Variants in ADGRG2 observed in about 807,000 individuals in gnomAD.
The protein encoded by ADGRG2 is G protein-coupled receptor 64.
A neutral mutation model predicts 74.1 loss-of-function variants in ADGRG2; 26 were observed. The ratio of observed to expected loss-of-function variants is 0.35; its 90% CI spans 0.26 to 0.49. The LOEUF (loss-of-function observed/expected upper bound fraction) is 0.49. Ranked by LOEUF, ADGRG2 falls within the 20% of genes least tolerant of loss-of-function variation. The pLI is 0.99. For synonymous variants in ADGRG2, 296 were observed against 295.2 expected (o/e 1.00, Z -0.03); for missense variants, 619 against 763.1 (o/e 0.81, Z 2.22).
chrX:19,005,231 G>A (rs1225564799), intron 22 of ADGRG2, among the ~76,000 whole-genome samples: 1 of 112,385 alleles, frequency 8.9e-6, no homozygotes, highest in Non-Finnish European at 1.9e-5. Flanking sequence ...TTAGTTCTAT[G>A]ACTGTGGGCA....
At chrX:19,056,324 T>C (rs1245259749) in intron 3 of ADGRG2, among the ~76,000 whole-genome samples, 1 of 112,053 alleles carries the variant, frequency 8.9e-6, no homozygotes, top group African/African-American at 3.2e-5. Flanking sequence ...TTGTTCTTTG[T>C]CATGATATTG....
intron 2 of ADGRG2, among the ~76,000 whole-genome samples, chrX:19,081,044 G>A (rs1400924510): frequency 1.8e-5 from 2 of 110,683 alleles, no homozygotes; most frequent in African/African-American, 6.6e-5. Context: ...TCCTGCCCTC[G>A]ATAGCTTAAT....
At chrX:19,030,845 G>C (rs766400018) in intron 9 of ADGRG2, 139 bp downstream of exon 9, 11 of 419,041 alleles carry the variant, frequency 2.6e-5, no homozygotes, top group Non-Finnish European at 4.4e-5. Flanking sequence ...GTTTTTATTA[G>C]GGACTCCTAG....
intron 1 of ADGRG2, among the ~76,000 whole-genome samples, chrX:19,087,601 T>G (rs1230808098): frequency 8.9e-6 from 1 of 112,272 alleles, no homozygotes; most frequent in Non-Finnish European, 1.9e-5. Context: ...GGAAAGACAG[T>G]GTCCTGGTGT....
intron 16 of ADGRG2, among the ~76,000 whole-genome samples, chrX:19,011,467 A>T (rs183640602): frequency 2.8e-4 from 32 of 112,690 alleles, no homozygotes; most frequent in African/African-American, 1.0e-3. Flanking sequence ...TACTCATATA[A>T]GCACAAGTAT....
intron 1 of ADGRG2, among the ~76,000 whole-genome samples, chrX:19,106,154 G>A (rs756925459): frequency 6.7e-5 from 7 of 104,646 alleles, no homozygotes; most frequent in Non-Finnish European, 9.6e-5. Flanking sequence ...GTAGAACACC[G>A]GTCTGAATTA....
At chrX:19,045,415 C>T (rs1031872928) in intron 3 of ADGRG2, among the ~76,000 whole-genome samples, 17 of 108,303 alleles carry the variant, frequency 1.6e-4, no homozygotes, top group Non-Finnish European at 2.9e-4. Flanking sequence ...TCAAGTGATT[C>T]TCCTGCCTCA....
intron 1 of ADGRG2, among the ~76,000 whole-genome samples, chrX:19,121,218 G>T (rs190569091): frequency 1.5e-4 from 17 of 111,566 alleles, no homozygotes; most frequent in African/African-American, 5.5e-4. Flanking sequence ...AACCTGTTTG[G>T]GGCCATGCGT....
chrX:19,048,637 C>T (rs2061244846), intron 3 of ADGRG2, among the ~76,000 whole-genome samples: 2 of 111,898 alleles, frequency 1.8e-5, no homozygotes, highest in Admixed American at 1.9e-4. Flanking sequence ...TTGAAATTAA[C>T]TTTCTGACCA....
intron 1 of ADGRG2, among the ~76,000 whole-genome samples, chrX:19,109,401 CACT>C (rs2062373519): frequency 9.0e-6 from 1 of 111,659 alleles, no homozygotes; most frequent in Non-Finnish European, 1.9e-5. Context: ...CTTTAAAATC[CACT>C]ACAAGAGCTT....
At chrX:19,029,573 C>T (rs1195057217) in intron 9 of ADGRG2, among the ~76,000 whole-genome samples, 3 of 111,293 alleles carry the variant, frequency 2.7e-5, no homozygotes, top group African/African-American at 9.8e-5. Context: ...TTTCTGGTGC[C>T]AAAAACCCTG....
rs1210206564 is a variant in ADGRG2 at position 19,010,974 on chromosome X, A to G, written c.1100-196T>C. On this transcript the variant is annotated intron_variant, in intron 16 of 28. Coordinates refer to ENST00000379869, the MANE Select transcript of ADGRG2 (RefSeq NM_001079858.3). ...TTCATAATAGTCCCAAACTAGAAAC[A>G]ACCCGAATGTCCATGAACTGGAGAA... Among the ~76,000 whole-genome samples, 3 of 112,263 alleles carry G rather than the reference A, an allele frequency of 2.7e-5. No homozygotes were observed. The East Asian group carries it at 8.3e-4, about 31-fold the overall frequency.
chrX:19,049,002 A>G (rs2061253343), intron 3 of ADGRG2, among the ~76,000 whole-genome samples: 1 of 111,680 alleles, frequency 9.0e-6, no homozygotes, highest in African/African-American at 3.3e-5. Flanking sequence ...TGAAACAGAC[A>G]GCTCTCTACC....
intron 11 of ADGRG2, among the ~76,000 whole-genome samples, 198 bp downstream of exon 11, chrX:19,027,021 T>A (rs2060718891): frequency 8.9e-6 from 1 of 112,203 alleles, no homozygotes; most frequent in African/African-American, 3.2e-5. Context: ...TTATATAACT[T>A]CAGCGCATCA....
chrX:19,010,836 A>T, intron 16 of ADGRG2, 58 bp from the exon 17 acceptor site: 1 of 872,450 alleles, frequency 1.1e-6, no homozygotes, highest in Non-Finnish European at 1.6e-6. Context: ...ACTAATAAAG[A>T]TAAACGTACA....
chrX:19,092,485 C>T (rs1037864265), intron 1 of ADGRG2, among the ~76,000 whole-genome samples: 18 of 109,602 alleles, frequency 1.6e-4, no homozygotes, highest in African/African-American at 5.7e-4. Flanking sequence ...GGATGAGGAG[C>T]AGGGTCAAAG....
In ADGRG2 at chrX:18,990,755, G is replaced by A. The variant is rs2059907541; in HGVS notation, c.*109C>T. The A allele has an allele frequency of 1.9e-6, 1 of 535,866 alleles. No individual in the cohort carries two copies. Among genetic ancestry groups the A allele is most frequent in the East Asian group, 3.6e-5 (1 of 27,655 alleles). The allele number at this position is 535,866 out of a possible 1,213,427, so 44.2% of individuals were successfully genotyped here. ...TTAATTAGCTTATGCTTCTCCAGAT[G>A]TTGCCGAGAATAAAATGAGTTGATT... is the stretch of plus-strand genomic sequence containing the variant. On this transcript the variant is annotated 3_prime_UTR_variant, in exon 29 of 29. Coordinates refer to ENST00000379869, the MANE Select transcript of ADGRG2 (RefSeq NM_001079858.3).
chrX:19,042,243 C>T (rs16980964), intron 3 of ADGRG2, among the ~76,000 whole-genome samples: 1,712 of 111,578 alleles, frequency 0.015, 37 homozygotes, highest in African/African-American at 0.053. Flanking sequence ...CACTGGGCAA[C>T]GTGGGAAAGC....
At chrX:19,116,281 TG>T (rs2062512643) in intron 1 of ADGRG2, among the ~76,000 whole-genome samples, 1 of 107,804 alleles carries the variant, frequency 9.3e-6, no homozygotes. Flanking sequence ...GAGGCCGAGG[TG>T]GGTGGATCAA....
Sources: gnomAD v4.1 joint callset for allele counts (sites outside exome capture counted in the v4.1 genomes callset) on GRCh38, gnomAD v4.1.1 for gene constraint, MANE v1.5 for transcripts, NCBI Gene and HGNC (gene_info 2026-07-23, HGNC 2026-07-21) for gene names.